Variants in SART3 observed in about 807,000 individuals in gnomAD.
SART3 encodes the protein spliceosome associated factor 3, U4/U6 recycling protein, also known as HIV-1 Tat-interacting protein of 110kDa.
A neutral mutation model predicts 122.3 loss-of-function variants in SART3; 44 were observed. The observed-to-expected ratio is 0.36, with a 90% CI of 0.28 to 0.46. SART3 has a LOEUF of 0.46. Among genes scored for constraint, SART3 ranks in the 20% least tolerant of loss-of-function variants. The pLI is 1.00. For synonymous variants in SART3, 442 were observed against 454.0 expected (o/e 0.97, Z 0.34); for missense variants, 1,101 against 1,229.0 (o/e 0.90, Z 1.56).
chr12:108,549,417 C>T (rs1268078455), intron 1 of SART3: 5 of 560,790 alleles, frequency 8.9e-6, no homozygotes, highest in Non-Finnish European at 1.6e-5. Context: ...CATAAAGCTC[C>T]CTCAAATCTG....
intron 14 of SART3, 64 bp from the exon 15 acceptor site, chr12:108,530,374 C>T: frequency 6.4e-7 from 1 of 1,567,500 alleles, no homozygotes; most frequent in Non-Finnish European, 8.7e-7. Context: ...ACTGATTTGT[C>T]ATGAAAGGGG....
intron 2 of SART3, among the ~76,000 whole-genome samples, chr12:108,548,768 T>C (rs940006668): frequency 1.3e-5 from 2 of 152,248 alleles, no homozygotes; most frequent in Non-Finnish European, 2.9e-5. Flanking sequence ...TACAATTTTC[T>C]GGTTTCAAGA....
intron 1 of SART3, among the ~76,000 whole-genome samples, chr12:108,559,714 T>G (rs2030401481): frequency 6.6e-6 from 1 of 150,656 alleles, no homozygotes; most frequent in East Asian, 1.9e-4. Flanking sequence ...TCTCTTCTGT[T>G]TGCCCCCTCC....
intron 1 of SART3, among the ~76,000 whole-genome samples, chr12:108,558,759 C>T (rs1394440243): frequency 1.3e-5 from 2 of 152,134 alleles, no homozygotes; most frequent in African/African-American, 2.4e-5. Flanking sequence ...AGAGGGCAGG[C>T]GCGGTGGCTC....
At chr12:108,545,112 C>T (rs761691841) in intron 4 of SART3, 27 bp downstream of exon 4, 4 of 1,609,998 alleles carry the variant, frequency 2.5e-6, no homozygotes, top group Admixed American at 1.7e-5. Context: ...AGCCCCAACC[C>T]GTTCAGAGAC....
chr12:108,523,728 C>A, intron 18 of SART3, 94 bp from the exon 19 acceptor site: 1 of 1,113,146 alleles, frequency 9.0e-7, no homozygotes. Context: ...TTAATATAAC[C>A]AGAAGTTAAA....
rs571267529 is a variant in SART3 at position 108,558,133 on chromosome 12, C to G, written c.312+2710G>C. Among the ~76,000 whole-genome samples, 7 of 152,184 alleles carry G rather than the reference C, an allele frequency of 4.6e-5. No individual in the cohort carries two copies. In the South Asian group the frequency reaches 1.5e-3, roughly 32 times the overall value. ...GCAGTGAGCCATGATCACACCACTA[C>G]TCCAGCATGGGCAAGAGTGAGATGC... On this transcript the variant is annotated intron_variant, in intron 1 of 18. Transcript: ENST00000546815.
chr12:108,524,659 CCT>C (rs3217309), intron 17 of SART3, 153 bp from the exon 18 acceptor site: 69,900 of 686,120 alleles, frequency 0.1, 5,747 homozygotes, highest in Admixed American at 0.33. Flanking sequence ...ACCACCGCAT[CCT>C]CTGTCTACAG....
At chr12:108,542,568 T>G (rs1490277872) in intron 6 of SART3, among the ~76,000 whole-genome samples, 5 of 152,146 alleles carry the variant, frequency 3.3e-5, no homozygotes, top group Admixed American at 2.0e-4. Flanking sequence ...TGAAAACAAA[T>G]GCACCGGAGT....
At chr12:108,540,287 G>A (rs772043472) in intron 6 of SART3, among the ~76,000 whole-genome samples, 2 of 152,206 alleles carry the variant, frequency 1.3e-5, no homozygotes, top group African/African-American at 2.4e-5. Context: ...CACATTGTCC[G>A]TCTAGAATTC....
chr12:108,536,782 G>A lies in SART3; in HGVS notation c.1313C>T (p.Ser438Phe). The change falls in exon 10 of 19, where the codon TCC (serine) becomes TTC (phenylalanine). Residue 438 changes from serine (S) to phenylalanine (F), a missense_variant. Around this residue, in one of 2 missense-constraint regions of SART3, gnomAD observed 885 missense variants for 1,080.1 expected, o/e 0.82. Coordinates refer to ENST00000546815, the MANE Select transcript of SART3 (RefSeq NM_014706.4). ...LRRRVDFKQD[S>F]SKELEELRAA... is the part of the protein sequence containing the mutation. ...CCTCAACTCCTCCAGCTCTTTACTG[G>A]AGTCTAACGGAAAGTGCAAAAAAAG... 1.9e-6 allele frequency: 3 copies of A among 1,613,676 alleles called. No homozygotes were observed. Among genetic ancestry groups the A allele is most frequent in the Non-Finnish European group, 2.5e-6 (3 of 1,179,770 alleles).
chr12:108,560,994 G>A lies in SART3; in HGVS notation c.161C>T (p.Ala54Val), dbSNP rs753840738. ...CACGCCTTCCTCCTGCTGATCCCAC[G>A]CTGGCCCCATGGTCTTGTATGTCGC... is the stretch of plus-strand genomic sequence containing the variant. Reference protein sequence around the residue: ...AAATYKTMGPAWDQQEEGVSE... With the variant: ...AAATYKTMGPVWDQQEEGVSE... Residue 54 changes from alanine to valine, a missense_variant, in exon 1 of 19, where the codon GCG becomes GTG. Coordinates refer to ENST00000546815, the MANE Select transcript of SART3 (RefSeq NM_014706.4). 4 of 1,614,060 alleles carry A rather than the reference G, an allele frequency of 2.5e-6. No homozygotes were observed. Among genetic ancestry groups the A allele is most frequent in the East Asian group, 2.2e-5 (1 of 44,882 alleles).
chr12:108,560,427 C>T (rs2030458825), intron 1 of SART3: 1 of 292,516 alleles, frequency 3.4e-6, no homozygotes, highest in South Asian at 1.6e-4. Flanking sequence ...GTTTCATCAT[C>T]GCCGTCATTC....
intron 1 of SART3, among the ~76,000 whole-genome samples, chr12:108,556,959 G>A (rs1390676701): frequency 2.1e-5 from 3 of 145,102 alleles, no homozygotes; most frequent in African/African-American, 7.5e-5. Flanking sequence ...TGGATCAGCA[G>A]AAGAAAAAGG....
intron 17 of SART3, among the ~76,000 whole-genome samples, chr12:108,525,023 G>A (rs1872307868): frequency 6.6e-6 from 1 of 152,230 alleles, no homozygotes; most frequent in African/African-American, 2.4e-5. Context: ...CTTAGCAGGA[G>A]ACTGAGGGGG....
chr12:108,540,057 G>GA (rs1415976022), intron 6 of SART3, among the ~76,000 whole-genome samples: 4 of 151,952 alleles, frequency 2.6e-5, no homozygotes, highest in Middle Eastern at 3.4e-3. Context: ...AAGAAAGATA[G>GA]AAAAAAAGAG....
intron 12 of SART3, among the ~76,000 whole-genome samples, 200 bp downstream of exon 12, chr12:108,535,159 A>C (rs1003963429): frequency 6.6e-6 from 1 of 152,236 alleles, no homozygotes; most frequent in South Asian, 2.1e-4. Flanking sequence ...ATGCATGGCT[A>C]TAAGAGTTCC....
rs139501952 is a variant in SART3, at chr12:108,561,118, C to G, written c.37G>C (p.Glu13Gln). ...TTGGGCCCAGCCTTGGACTCAGCCT[C>G]GGGTTCTGAAGCCGAGGTTTCGGCC... ...TAAETSASEP[E>Q]AESKAGPKAD... The change falls in exon 1 of 19, where the codon GAG (glutamate) becomes CAG (glutamine). Residue 13 changes from glutamate (E) to glutamine (Q), a missense_variant. This residue lies in a region of SART3 where 216 missense variants were observed against 148.9 expected (regional missense o/e 1.45). Transcript: ENST00000546815. 1,293 of 1,613,652 alleles carry G rather than the reference C, an allele frequency of 8.0e-4. 17 individuals are homozygous for G. Among genetic ancestry groups the G allele is most frequent in the South Asian group, 7.3e-3 (665 of 91,072 alleles).
rs1872962159 is a variant in SART3 at position 108,537,429 on chromosome 12, G to A, written c.1309+59C>T. 8 of 1,352,096 alleles carry A rather than the reference G, an allele frequency of 5.9e-6. No homozygotes were observed. In the East Asian group the frequency reaches 6.9e-5, roughly 12 times the overall value. The allele number at this position is 1,352,096 out of a possible 1,614,324, so 83.8% of individuals were successfully genotyped here. On this transcript the variant is annotated intron_variant, in intron 9 of 18. Transcript: ENST00000546815. The stretch of plus-strand genomic sequence containing the variant: ...TGTATCTGGGGAACTGGGACATCTC[G>A]CCAAAAGTTGTATTAAGAACATGTT...
Sources: gnomAD v4.1 joint callset for allele counts (sites outside exome capture counted in the v4.1 genomes callset) on GRCh38, gnomAD v4.1.1 for gene constraint, gnomAD v4.1.1 regional missense constraint, MANE v1.5 for transcripts, NCBI Gene and HGNC (gene_info 2026-07-23, HGNC 2026-07-21) for gene names.